Variants in KLHL1 observed in about 807,000 individuals in gnomAD.
KLHL1 encodes kelch like family member 1.
A neutral mutation model predicts 77.7 loss-of-function variants in KLHL1; 47 were observed. The ratio of observed to expected loss-of-function variants is 0.60; its 90% CI spans 0.48 to 0.77. The LOEUF (loss-of-function observed/expected upper bound fraction) is 0.77. KLHL1 is among the 30% of genes least tolerant of loss of function. The pLI is 0.00. For missense variants in KLHL1, 925 were observed against 910.8 expected (o/e 1.02, Z -0.20); for synonymous variants, 360 against 325.2 (o/e 1.11, Z -1.15).
At position 69,975,812 on chromosome 13, in the gene KLHL1, A is replaced by G; in HGVS notation, c.498-10T>C. The G allele has an allele frequency of 1.2e-6, 1 of 836,954 alleles. No individual in the cohort carries two copies. Among genetic ancestry groups the G allele is most frequent in the Non-Finnish European group, 1.6e-6 (1 of 625,582 alleles). The allele number at this position is 836,954 out of a possible 1,614,324, so 51.8% of individuals were successfully genotyped here. A position where few individuals can be genotyped will look rare whatever the true frequency, so the allele number is the denominator to read the frequency against. On this transcript the variant is annotated splice_polypyrimidine_tract_variant and intron_variant, in intron 1 of 10. Coordinates refer to ENST00000377844, the MANE Select transcript of KLHL1 (RefSeq NM_020866.3). Reference sequence around the variant, plus strand: ...GCCGGTTGATGACAGCCTATAAACCACACACACACACACACACACACAAAA... The same window carrying G: ...GCCGGTTGATGACAGCCTATAAACCGCACACACACACACACACACACAAAA...
At chr13:69,981,959 C>A (rs1480744048) in intron 1 of KLHL1, among the ~76,000 whole-genome samples, 1 of 151,484 alleles carries the variant, frequency 6.6e-6, no homozygotes, top group Non-Finnish European at 1.5e-5. Flanking sequence ...CAGAAATAGG[C>A]AATATAAATA....
At chr13:70,085,330 G>A (rs1202337003) in intron 1 of KLHL1, among the ~76,000 whole-genome samples, 1 of 152,124 alleles carries the variant, frequency 6.6e-6, no homozygotes, top group Non-Finnish European at 1.5e-5. Flanking sequence ...TTAAAAAGAT[G>A]TTTCTTCATC....
At chr13:69,909,288 A>G (rs2138240381) in intron 4 of KLHL1, among the ~76,000 whole-genome samples, 1 of 152,066 alleles carries the variant, frequency 6.6e-6, no homozygotes, top group East Asian at 1.9e-4. Context: ...GCACACTTAC[A>G]GATGCAGAGA....
chr13:70,081,232 A>G (rs962387299), intron 1 of KLHL1, among the ~76,000 whole-genome samples: 2 of 152,174 alleles, frequency 1.3e-5, no homozygotes, highest in African/African-American at 4.8e-5. Context: ...CTGGCTCATT[A>G]ACTTTCTACT....
At chr13:69,977,849 C>T (rs1439650414) in intron 1 of KLHL1, among the ~76,000 whole-genome samples, 1 of 151,918 alleles carries the variant, frequency 6.6e-6, no homozygotes, top group Non-Finnish European at 1.5e-5. Context: ...ATATTATTTC[C>T]AGAAGATGTG....
intron 1 of KLHL1, among the ~76,000 whole-genome samples, chr13:70,098,460 TAGTA>T (rs1294932976): frequency 6.6e-6 from 1 of 151,866 alleles, no homozygotes; most frequent in Non-Finnish European, 1.5e-5. Flanking sequence ...TAATGCATGA[TAGTA>T]AGTCATTGAA....
At chr13:70,015,412 T>G (rs1359917705) in intron 1 of KLHL1, among the ~76,000 whole-genome samples, 1 of 152,198 alleles carries the variant, frequency 6.6e-6, no homozygotes, top group East Asian at 1.9e-4. Flanking sequence ...CTATGAGGTC[T>G]GTCATTGACC....
chr13:69,785,905 A>C (rs940755660), intron 7 of KLHL1, among the ~76,000 whole-genome samples: 1 of 152,352 alleles, frequency 6.6e-6, no homozygotes, highest in Non-Finnish European at 1.5e-5. Flanking sequence ...TAGAAAATCT[A>C]GAAGAAATGG....
chr13:69,926,203 T>C (rs1396986072), intron 4 of KLHL1, among the ~76,000 whole-genome samples: 1 of 152,224 alleles, frequency 6.6e-6, no homozygotes, highest in Non-Finnish European at 1.5e-5. Context: ...TTTCGTGATG[T>C]GGATTGATCT....
At chr13:70,005,660 A>G (rs1278532371) in intron 1 of KLHL1, among the ~76,000 whole-genome samples, 1 of 151,960 alleles carries the variant, frequency 6.6e-6, no homozygotes, top group Non-Finnish European at 1.5e-5. Context: ...TAATAATTAG[A>G]AACAAATGTA....
intron 3 of KLHL1, among the ~76,000 whole-genome samples, chr13:69,954,827 C>T (rs962566569): frequency 6.7e-6 from 1 of 149,836 alleles, no homozygotes; most frequent in East Asian, 1.9e-4. Flanking sequence ...ACATTTTAAA[C>T]ATATATATGC....
intron 3 of KLHL1, among the ~76,000 whole-genome samples, chr13:69,955,183 C>T (rs1883828624): frequency 6.6e-6 from 1 of 151,246 alleles, no homozygotes; most frequent in Non-Finnish European, 1.5e-5. Context: ...CTTCTAATTA[C>T]AATAAAAATT....
At chr13:70,004,370 A>T (rs1209407478) in intron 1 of KLHL1, among the ~76,000 whole-genome samples, 1 of 151,844 alleles carries the variant, frequency 6.6e-6, no homozygotes, top group Non-Finnish European at 1.5e-5. Context: ...ATAACCCATG[A>T]AATGCTAAGC....
intron 7 of KLHL1, among the ~76,000 whole-genome samples, chr13:69,783,305 A>G (rs1459538061): frequency 2.6e-5 from 4 of 152,212 alleles, no homozygotes; most frequent in South Asian, 2.1e-4. Context: ...CTCACCAGCA[A>G]TAGAACAAAG....
At chr13:69,984,234 T>C (rs73512697) in intron 1 of KLHL1, among the ~76,000 whole-genome samples, 23,018 of 151,966 alleles carry the variant, frequency 0.15, 3,702 homozygotes, top group African/African-American at 0.41. Flanking sequence ...GTTTCTCTTT[T>C]AATAAAAAGC....
chr13:69,748,705 G>C (rs1029652755), intron 7 of KLHL1, among the ~76,000 whole-genome samples: 3 of 151,916 alleles, frequency 2.0e-5, no homozygotes, highest in Non-Finnish European at 4.4e-5. Context: ...AGATTAAATA[G>C]AAAATGCAGA....
rs1009984948 is a variant in KLHL1 at position 69,837,660 on chromosome 13, G to C, written c.1414+1316C>G. 3.1e-4 allele frequency among the ~76,000 whole-genome samples: 39 copies of C among 127,528 alleles called. 1 individual carries two copies. Among genetic ancestry groups the C allele is most frequent in the Non-Finnish European group, 9.7e-5 (6 of 61,990 alleles). The allele number at this position is 127,528 out of a possible 152,430, so 83.7% of individuals were successfully genotyped here. ...TATATATATGTGTATATATATATGT[G>C]TGTGTGTGTGTATATATATATATAT... On this transcript the variant is annotated intron_variant, in intron 6 of 10. Coordinates refer to ENST00000377844, the MANE Select transcript of KLHL1 (RefSeq NM_020866.3).
chr13:70,049,262 T>C (rs1264030091), intron 1 of KLHL1, among the ~76,000 whole-genome samples: 1 of 152,190 alleles, frequency 6.6e-6, no homozygotes, highest in Non-Finnish European at 1.5e-5. Flanking sequence ...TTCTTTTATG[T>C]AAACCAAACC....
At chr13:69,805,845 A>T in intron 6 of KLHL1, among the ~76,000 whole-genome samples, 1 of 151,708 alleles carries the variant, frequency 6.6e-6, no homozygotes, top group Non-Finnish European at 1.5e-5. Context: ...TGATATTTGT[A>T]CAAGGAATTT....
Sources: gnomAD v4.1 joint callset for allele counts (sites outside exome capture counted in the v4.1 genomes callset) on GRCh38, gnomAD v4.1.1 for gene constraint, MANE v1.5 for transcripts, NCBI Gene and HGNC (gene_info 2026-07-23, HGNC 2026-07-21) for gene names.